FYB2: variants seen among roughly 807,000 people sequenced by gnomAD.
The protein encoded by FYB2 is FYN-binding protein 2.
Under a neutral mutation model 94.1 loss-of-function variants are expected in FYB2, and 103 were observed. The ratio of observed to expected loss-of-function variants is 1.09; its 90% CI spans 0.93 to 1.29. The LOEUF (loss-of-function observed/expected upper bound fraction) is 1.29, where lower values mean the gene tolerates loss of function less well. FYB2 is among the 50% of genes most tolerant of loss of function. The pLI is 0.00. For synonymous variants in FYB2, 293 were observed against 287.9 expected (o/e 1.02, Z -0.18); for missense variants, 896 against 841.5 (o/e 1.06, Z -0.80).
In FYB2 at chr1:56,819,264, A is replaced by G. The variant is rs1289488911; in HGVS notation, c.9+18T>C. 2.5e-6 allele frequency: 4 copies of G among 1,614,202 alleles called. No homozygotes were observed. Among genetic ancestry groups the G allele is most frequent in the South Asian group, 2.2e-5 (2 of 91,088 alleles). On this transcript the variant is annotated intron_variant, in intron 1 of 19. Transcript: ENST00000343433. ...AAAGACACACAGAAAGCCAGCAACA[A>G]AACTGAGACAGCCTTACCCCTTCCA...
intron 1 of FYB2, among the ~76,000 whole-genome samples, chr1:56,812,542 A>C (rs1935559): frequency 0.51 from 77,791 of 152,004 alleles, 20,954 homozygotes; most frequent in East Asian, 0.75. Flanking sequence ...GAAGCACTTT[A>C]TTTGTAACTT....
At position 56,744,278 on chromosome 1, in the gene FYB2, C is replaced by T; in HGVS notation, c.1388-12G>A. On this transcript the variant is annotated splice_polypyrimidine_tract_variant and intron_variant, in intron 9 of 19. Transcript: ENST00000343433. ...CTCCAGATGCCCACCTGAAAGGAAA[C>T]CAGAAAACCTGAAAAACATCACATC... The T allele has an allele frequency of 6.3e-7, 1 of 1,590,876 alleles. No homozygotes were observed. The highest frequency in any genetic ancestry group is 8.6e-7 in the Non-Finnish European group (1 of 1,162,820).
intron 1 of FYB2, among the ~76,000 whole-genome samples, chr1:56,817,884 A>G (rs1466747860): frequency 7.2e-5 from 11 of 152,160 alleles, no homozygotes; most frequent in Non-Finnish European, 1.5e-5. Flanking sequence ...TGCTTGGCTT[A>G]TAGTTGGCAC....
chr1:56,794,722 T>C (rs1490965610), intron 1 of FYB2, among the ~76,000 whole-genome samples: 1 of 151,834 alleles, frequency 6.6e-6, no homozygotes, highest in African/African-American at 2.4e-5. Flanking sequence ...AGCAGACAAG[T>C]TAATTTAACC....
At chr1:56,730,866 T>C (rs1644693034) in intron 15 of FYB2, among the ~76,000 whole-genome samples, 3 of 151,964 alleles carry the variant, frequency 2.0e-5, no homozygotes, top group Admixed American at 6.6e-5. Context: ...CTGATGAACA[T>C]AGACACAAAA....
At chr1:56,795,063 AG>A (rs1646364292) in intron 1 of FYB2, among the ~76,000 whole-genome samples, 1 of 151,508 alleles carries the variant, frequency 6.6e-6, no homozygotes, top group South Asian at 2.1e-4. Flanking sequence ...ACAGTTTGGC[AG>A]TGTTATGTAG....
intron 4 of FYB2, among the ~76,000 whole-genome samples, chr1:56,769,543 C>CATA (rs1645705225): frequency 6.6e-6 from 1 of 151,806 alleles, no homozygotes; most frequent in Non-Finnish European, 1.5e-5. Flanking sequence ...TATTATTTTC[C>CATA]ATAATAATAA....
At chr1:56,805,904 C>A (rs188969293) in intron 1 of FYB2, among the ~76,000 whole-genome samples, 1 of 152,238 alleles carries the variant, frequency 6.6e-6, no homozygotes, top group Admixed American at 6.5e-5. Flanking sequence ...TCCATTAAAC[C>A]CCTTTTGCTG....
intron 15 of FYB2, among the ~76,000 whole-genome samples, chr1:56,733,430 C>G (rs1336711868): frequency 6.6e-6 from 1 of 152,064 alleles, no homozygotes; most frequent in Admixed American, 6.6e-5. Flanking sequence ...GTCTCTATCT[C>G]CTTCAGTTCT....
intron 15 of FYB2, among the ~76,000 whole-genome samples, chr1:56,733,369 T>C (rs996924319): frequency 8.5e-5 from 13 of 152,126 alleles, no homozygotes; most frequent in Non-Finnish European, 1.6e-4. Context: ...TGTTGATCTT[T>C]TCAAAAAACC....
intron 4 of FYB2, among the ~76,000 whole-genome samples, chr1:56,774,196 C>A (rs1034714250): frequency 6.6e-6 from 1 of 152,008 alleles, no homozygotes; most frequent in Non-Finnish European, 1.5e-5. Flanking sequence ...ATCAGTAGAG[C>A]AGAATGATTC....
At chr1:56,823,940 T>A (rs1213337536), upstream of FYB2, 4 of 152,216 alleles carry the variant, frequency 2.6e-5, no homozygotes, top group Non-Finnish European at 1.5e-5. Flanking sequence ...TCTTTTCCAA[T>A]GTCAATCACT....
At chr1:56,794,115 C>G (rs1459730934) in intron 1 of FYB2, among the ~76,000 whole-genome samples, 1 of 152,164 alleles carries the variant, frequency 6.6e-6, no homozygotes, top group Non-Finnish European at 1.5e-5. Context: ...TTTAACTCCC[C>G]TTGGAAAATG....
chr1:56,808,596 G>C (rs967062704), intron 1 of FYB2, among the ~76,000 whole-genome samples: 4 of 152,170 alleles, frequency 2.6e-5, no homozygotes, highest in African/African-American at 9.7e-5. Context: ...CACCTTGGGA[G>C]GTTGCCAGCT....
rs957189871 is a variant in FYB2, at chr1:56,801,681, C to G, written c.10-8878G>C. 5.9e-5 allele frequency among the ~76,000 whole-genome samples: 9 copies of G among 152,312 alleles called. No homozygotes were observed. In the South Asian group the frequency reaches 6.2e-4, roughly 11 times the overall value. Reference sequence around the variant, plus strand: ...TACCCACTTGCCTTTTCTGGTGCCCCAACTCCAGCAATGCATTAGCCTCAT... The same window carrying G: ...TACCCACTTGCCTTTTCTGGTGCCCGAACTCCAGCAATGCATTAGCCTCAT... On this transcript the variant is annotated intron_variant, in intron 1 of 19. Coordinates refer to ENST00000343433, the MANE Select transcript of FYB2 (RefSeq NM_001004303.5).
chr1:56,766,175 C>T lies in FYB2; in HGVS notation c.1063+1654G>A, dbSNP rs77070929. On this transcript the variant is annotated intron_variant, in intron 5 of 19. Transcript: ENST00000343433. ...AAATGCACAATCTCAGACTCCATACCGGAGCTGCTGAACCAGAATCTACAT... is the reference window on the plus strand; with the variant it reads ...AAATGCACAATCTCAGACTCCATACTGGAGCTGCTGAACCAGAATCTACAT... Among the ~76,000 whole-genome samples the T allele has an allele frequency of 7.9e-3, 1,199 of 152,262 alleles. 22 individuals are homozygous for T. Among genetic ancestry groups the T allele is most frequent in the African/African-American group, 0.027 (1,131 of 41,536 alleles).
chr1:56,774,462 G>A (rs940404394), intron 4 of FYB2, among the ~76,000 whole-genome samples: 4 of 151,908 alleles, frequency 2.6e-5, no homozygotes, highest in East Asian at 1.9e-4. Flanking sequence ...TTGTCCTTTC[G>A]AATTCTACCA....
chr1:56,783,478 C>T (rs1266065693), intron 4 of FYB2, among the ~76,000 whole-genome samples: 1 of 152,040 alleles, frequency 6.6e-6, no homozygotes, highest in Non-Finnish European at 1.5e-5. Context: ...CACAAAGACT[C>T]CTGTTTTATA....
intron 3 of FYB2, among the ~76,000 whole-genome samples, chr1:56,787,703 A>G (rs909926609): frequency 1.3e-5 from 2 of 152,234 alleles, no homozygotes; most frequent in African/African-American, 4.8e-5. Flanking sequence ...TTTTATAGAT[A>G]AGGAAAATGA....
Sources: allele counts gnomAD v4.1 joint callset (sites outside exome capture counted in the v4.1 genomes callset), GRCh38; gene constraint gnomAD v4.1.1; transcripts MANE v1.5; gene names NCBI Gene and HGNC (gene_info 2026-07-23, HGNC 2026-07-21).